The following NLK variants were observed in gnomAD, a reference collection of about 807,000 sequenced individuals.
NLK encodes serine/threonine-protein kinase NLK.
Under a neutral mutation model 59.0 loss-of-function variants are expected in NLK, and 11 were observed. The ratio of observed to expected loss-of-function variants is 0.19; its 90% confidence interval spans 0.12 to 0.31. NLK has a LOEUF of 0.31. NLK is among the 10% of genes least tolerant of loss of function. NLK has a pLI of 1.00. For missense variants in NLK, 410 were observed against 661.1 expected (o/e 0.62, Z 4.16); for synonymous variants, 235 against 235.9 (o/e 1.00, Z 0.03).
At chr17:28,205,785 C>G in the NLK span, among the ~76,000 whole-genome samples, 79 of 152,198 alleles carry the variant, frequency 5.2e-4, no homozygotes, top group African/African-American at 1.8e-3. Flanking sequence ...GTTTTTCTCT[C>G]TGTGTCTGGC....
At chr17:28,105,675 A>C (rs1905053199) in intron 1 of NLK, among the ~76,000 whole-genome samples, 1 of 152,216 alleles carries the variant, frequency 6.6e-6, no homozygotes, top group Admixed American at 6.5e-5. Flanking sequence ...ACCCCTTCTT[A>C]AGTGAGCTAT....
intron 5 of NLK, among the ~76,000 whole-genome samples, chr17:28,166,642 C>T (rs1216105713): frequency 6.6e-6 from 1 of 152,156 alleles, no homozygotes; most frequent in Non-Finnish European, 1.5e-5. Context: ...TGATCTCATC[C>T]TCAGTGCTCC....
chr17:28,173,597 A>G (rs968256152), intron 7 of NLK, among the ~76,000 whole-genome samples: 5 of 152,222 alleles, frequency 3.3e-5, no homozygotes, highest in Non-Finnish European at 7.3e-5. Context: ...ATAGAGATGT[A>G]TGCTTGTATG....
chr17:28,165,746 T>A (rs1423806075), intron 5 of NLK, among the ~76,000 whole-genome samples: 1 of 152,214 alleles, frequency 6.6e-6, no homozygotes, highest in Non-Finnish European at 1.5e-5. Flanking sequence ...GAAATCATAC[T>A]GATGTTTTTA....
intron 1 of NLK, among the ~76,000 whole-genome samples, chr17:28,051,400 AC>A (rs1453286776): frequency 6.7e-6 from 1 of 149,726 alleles, no homozygotes; most frequent in Non-Finnish European, 1.5e-5. Context: ...TTCCGCTGTC[AC>A]CAGGCTGGAG....
chr17:28,202,119 G>C, the NLK span, among the ~76,000 whole-genome samples: 1 of 152,182 alleles, frequency 6.6e-6, no homozygotes, highest in African/African-American at 2.4e-5. Flanking sequence ...TCTTAGGCCC[G>C]ACTGGGCCAC....
intron 4 of NLK, among the ~76,000 whole-genome samples, chr17:28,162,050 C>G (rs981093417): frequency 6.6e-6 from 1 of 152,088 alleles, no homozygotes; most frequent in African/African-American, 2.4e-5. Context: ...GAGTCTTGCT[C>G]TGTCGCCTAG....
chr17:28,126,453 T>C (rs1906293895), intron 2 of NLK, among the ~76,000 whole-genome samples: 1 of 152,304 alleles, frequency 6.6e-6, no homozygotes. Context: ...AAGGAAAATC[T>C]TAATATGAGC....
chr17:28,113,695 G>T (rs1905626298), intron 1 of NLK, among the ~76,000 whole-genome samples: 1 of 152,054 alleles, frequency 6.6e-6, no homozygotes, highest in African/African-American at 2.4e-5. Flanking sequence ...CCTGTATCTT[G>T]TGCTGACCTC....
intron 1 of NLK, among the ~76,000 whole-genome samples, chr17:28,067,250 T>C (rs1909859396): frequency 1.3e-5 from 2 of 152,218 alleles, no homozygotes; most frequent in South Asian, 2.1e-4. Context: ...CTGTATTTCA[T>C]GTTTGGGTTA....
At position 28,195,332 on chromosome 17, in the gene NLK, A is replaced by T. The variant is rs1263477243; in HGVS notation, c.*696A>T. The T allele has an allele frequency of 6.6e-6, 1 of 150,932 alleles. No homozygotes were observed. The highest frequency in any genetic ancestry group is 1.5e-5 in the Non-Finnish European group (1 of 67,772). 9.3% of individuals were successfully genotyped at this position (150,932 alleles called of 1,614,324 possible). A position where few individuals can be genotyped will look rare whatever the true frequency, so the allele number is the denominator to read the frequency against. On this transcript the variant is annotated 3_prime_UTR_variant, in exon 11 of 11. Coordinates refer to ENST00000407008, the MANE Select transcript of NLK (RefSeq NM_016231.5). ...ACCCAGTATAAATATATATATATAT[A>T]TTTAATCTATTTTTATTAGAAGTTT...
intron 1 of NLK, among the ~76,000 whole-genome samples, chr17:28,076,019 G>A (rs1158148610): frequency 6.6e-6 from 1 of 152,042 alleles, no homozygotes; most frequent in Non-Finnish European, 1.5e-5. Flanking sequence ...TCCTTTTTTT[G>A]TATATGTCTT....
At chr17:28,046,903 C>A (rs982182970) in intron 1 of NLK, among the ~76,000 whole-genome samples, 5 of 152,086 alleles carry the variant, frequency 3.3e-5, no homozygotes, top group Middle Eastern at 3.2e-3. Context: ...ATTAAAAGAT[C>A]AAAAATCCTG....
chr17:28,091,544 T>C (rs1044599877), intron 1 of NLK, among the ~76,000 whole-genome samples: 7 of 151,990 alleles, frequency 4.6e-5, no homozygotes, highest in Admixed American at 1.3e-4. Flanking sequence ...ACAGTTCTTA[T>C]AGCTTCTGTT....
At chr17:28,205,993 TAGTCA>T in the NLK span, among the ~76,000 whole-genome samples, 1 of 152,218 alleles carries the variant, frequency 6.6e-6, no homozygotes, top group Non-Finnish European at 1.5e-5. Context: ...CTGACCCTAG[TAGTCA>T]TTTCTGTATG....
At chr17:28,169,636 G>C (rs779266553) in intron 6 of NLK, among the ~76,000 whole-genome samples, 2 of 151,668 alleles carry the variant, frequency 1.3e-5, no homozygotes, top group Admixed American at 1.3e-4. Context: ...AGATTGGTGG[G>C]TTCAAATCCT....
In NLK at chr17:28,057,881, T is replaced by G. The variant is rs371430610; in HGVS notation, c.458+14550T>G. Among the ~76,000 whole-genome samples the G allele has an allele frequency of 1.1e-4, 16 of 152,316 alleles. No homozygotes were observed. In the East Asian group the frequency reaches 1.5e-3, roughly 15 times the overall value. The stretch of plus-strand genomic sequence containing the variant: ...TAGTACAAAGCCTTGAGAAATAGAT[T>G]TTTAAATCTAAAATATGAGTTAATG... On this transcript the variant is annotated intron_variant, in intron 1 of 10. Coordinates refer to ENST00000407008, the MANE Select transcript of NLK (RefSeq NM_016231.5).
chr17:28,076,733 G>T (rs1910170695), intron 1 of NLK, among the ~76,000 whole-genome samples: 1 of 152,064 alleles, frequency 6.6e-6, no homozygotes, highest in African/African-American at 2.4e-5. Context: ...GAGGACCTAT[G>T]GTTTATAAAA....
At chr17:28,091,810 C>G (rs879892500) in intron 1 of NLK, among the ~76,000 whole-genome samples, 8 of 152,262 alleles carry the variant, frequency 5.3e-5, no homozygotes, top group Non-Finnish European at 1.0e-4. Context: ...GCAACCAATC[C>G]AACTGAAACA....
Sources: allele counts gnomAD v4.1 joint callset (sites outside exome capture counted in the v4.1 genomes callset), GRCh38; gene constraint gnomAD v4.1.1; transcripts MANE v1.5; gene names NCBI Gene and HGNC (gene_info 2026-07-23, HGNC 2026-07-21).